The following ZNF654 variants were observed in gnomAD, a reference collection of about 807,000 sequenced individuals.
ZNF654 encodes the protein melanoma-associated antigen.
A neutral mutation model predicts 95.3 loss-of-function variants in ZNF654; 19 were observed. The ratio of observed to expected loss-of-function variants is 0.20; its 90% confidence interval spans 0.14 to 0.29. The LOEUF (loss-of-function observed/expected upper bound fraction) is 0.29, where lower values mean the gene tolerates loss of function less well. ZNF654 is among the 10% of genes least tolerant of loss of function. The pLI, the probability that ZNF654 is intolerant of heterozygous loss-of-function variation, is 1.00. For missense variants in ZNF654, 1,046 were observed against 1,341.0 expected (o/e 0.78, Z 3.44); for synonymous variants, 413 against 457.9 (o/e 0.90, Z 1.25).
intron 6 of ZNF654, among the ~76,000 whole-genome samples, chr3:88,131,763 C>T (rs148730394): frequency 0.019 from 2,842 of 152,104 alleles, 95 homozygotes; most frequent in African/African-American, 0.065. Context: ...TTTCTTCTAC[C>T]TCTTTTCTAT....
At chr3:88,137,390 G>A (rs1439536192) in intron 7 of ZNF654, among the ~76,000 whole-genome samples, 1 of 152,018 alleles carries the variant, frequency 6.6e-6, no homozygotes, top group Admixed American at 6.6e-5. Context: ...ATTTATAGGA[G>A]CAAACTAAGT....
chr3:88,125,643 C>T (rs1223836237), intron 3 of ZNF654, among the ~76,000 whole-genome samples: 7 of 152,226 alleles, frequency 4.6e-5, no homozygotes, highest in East Asian at 1.9e-4. Flanking sequence ...CCTTCTACCA[C>T]GATTTAGATT....
chr3:88,090,204 T>C (rs1201460539), intron 2 of ZNF654, among the ~76,000 whole-genome samples: 3 of 152,160 alleles, frequency 2.0e-5, no homozygotes, highest in Non-Finnish European at 4.4e-5. Flanking sequence ...TCTGAAGGCA[T>C]TCCAGAAAAA....
At chr3:88,085,126 G>A (rs1708273415) in intron 1 of ZNF654, among the ~76,000 whole-genome samples, 1 of 152,234 alleles carries the variant, frequency 6.6e-6, no homozygotes, top group Non-Finnish European at 1.5e-5. Context: ...TTGTCTCCCA[G>A]TAGGAAGTGA....
At chr3:88,101,502 C>T (rs1463541437) in intron 2 of ZNF654, among the ~76,000 whole-genome samples, 1 of 152,034 alleles carries the variant, frequency 6.6e-6, no homozygotes, top group African/African-American at 2.4e-5. Flanking sequence ...TTGAGGTTTA[C>T]CTATGTTAGC....
At chr3:88,100,420 C>T (rs1323197806) in intron 2 of ZNF654, among the ~76,000 whole-genome samples, 3 of 152,142 alleles carry the variant, frequency 2.0e-5, no homozygotes, top group Non-Finnish European at 4.4e-5. Flanking sequence ...TGTGGCAATT[C>T]CTCAGGGATG....
intron 3 of ZNF654, among the ~76,000 whole-genome samples, chr3:88,123,543 GC>G (rs897545645): frequency 6.6e-6 from 1 of 152,132 alleles, no homozygotes; most frequent in Non-Finnish European, 1.5e-5. Flanking sequence ...AATTATCAGG[GC>G]TTTCCCCTAG....
At chr3:88,126,330 C>T (rs1706094897) in intron 4 of ZNF654, 61 bp downstream of exon 4, 12 of 1,342,390 alleles carry the variant, frequency 8.9e-6, no homozygotes, top group Non-Finnish European at 1.2e-5. Flanking sequence ...CTTTCATTTA[C>T]TAACTAGAGC....
chr3:88,110,752 C>A (rs1235288984), intron 2 of ZNF654, among the ~76,000 whole-genome samples: 3 of 152,088 alleles, frequency 2.0e-5, no homozygotes, highest in Non-Finnish European at 2.9e-5. Context: ...ATAGGAAATA[C>A]AACAGGTTGG....
At chr3:88,103,295 G>A (rs953922265) in intron 2 of ZNF654, among the ~76,000 whole-genome samples, 1 of 152,122 alleles carries the variant, frequency 6.6e-6, no homozygotes, top group African/African-American at 2.4e-5. Flanking sequence ...GCACAGAAAC[G>A]TTAAGAAAGA....
chr3:88,106,222 G>A (rs945213556), intron 2 of ZNF654, among the ~76,000 whole-genome samples: 20 of 152,186 alleles, frequency 1.3e-4, no homozygotes, highest in Admixed American at 7.9e-4. Context: ...TGAGCTGTCT[G>A]ATGATATGTC....
intron 7 of ZNF654, among the ~76,000 whole-genome samples, chr3:88,137,235 A>G (rs941937577): frequency 1.4e-5 from 2 of 147,534 alleles, no homozygotes; most frequent in African/African-American, 4.9e-5. Context: ...AGATAGAAGT[A>G]TGGAGAAAGA....
intron 1 of ZNF654, among the ~76,000 whole-genome samples, chr3:88,063,114 T>C (rs1231823228): frequency 2.0e-5 from 3 of 152,180 alleles, no homozygotes; most frequent in Non-Finnish European, 4.4e-5. Context: ...CAGGAGATAG[T>C]TTTGATTGTC....
intron 1 of ZNF654, among the ~76,000 whole-genome samples, chr3:88,062,475 A>C (rs1706939245): frequency 6.6e-6 from 1 of 152,252 alleles, no homozygotes; most frequent in Non-Finnish European, 1.5e-5. Context: ...GTACTCTTTC[A>C]TTATGACACA....
intron 7 of ZNF654, among the ~76,000 whole-genome samples, chr3:88,136,148 A>C (rs1371517485): frequency 6.6e-6 from 1 of 152,190 alleles, no homozygotes; most frequent in African/African-American, 2.4e-5. Context: ...TTTGATGTGC[A>C]TCAGAATCAC....
At chr3:88,075,884 C>T (rs1360066714) in intron 1 of ZNF654, among the ~76,000 whole-genome samples, 7 of 152,122 alleles carry the variant, frequency 4.6e-5, no homozygotes, top group African/African-American at 2.4e-5. Context: ...TTTGCTCACT[C>T]TTGTATCTGA....
At chr3:88,138,402 CACCATA>C (rs1393964122) in intron 7 of ZNF654, among the ~76,000 whole-genome samples, 1 of 151,930 alleles carries the variant, frequency 6.6e-6, no homozygotes, top group East Asian at 1.9e-4. Flanking sequence ...AAATCTTAAT[CACCATA>C]AGTTTATGAA....
intron 8 of ZNF654, among the ~76,000 whole-genome samples, chr3:88,141,381 A>G (rs1188074079): frequency 2.6e-5 from 4 of 152,116 alleles, no homozygotes; most frequent in East Asian, 3.8e-4. Flanking sequence ...CAAGTTTCAT[A>G]TAATAAAAGT....
At position 88,142,850 on chromosome 3, in the gene ZNF654, A is replaced by G. The variant is rs1255714608; in HGVS notation, c.*1198A>G. 1 of 152,284 alleles carries G rather than the reference A, an allele frequency of 6.6e-6. No homozygotes were observed. The highest frequency in any genetic ancestry group is 1.5e-5 in the Non-Finnish European group (1 of 67,796). The allele number at this position is 152,284 out of a possible 1,614,324, so 9.4% of individuals were successfully genotyped here. A position where few individuals can be genotyped will look rare whatever the true frequency, so the allele number is the denominator to read the frequency against. On this transcript the variant is annotated 3_prime_UTR_variant, in exon 9 of 9. Coordinates refer to ENST00000636215, the MANE Select transcript of ZNF654 (RefSeq NM_001350134.2). ...CATTCAAGCATTGTTTTCCTTAGTGATGTTATTTTCCTAAGAAGATTTTAA... is the reference window on the plus strand; with the variant it reads ...CATTCAAGCATTGTTTTCCTTAGTGGTGTTATTTTCCTAAGAAGATTTTAA...
Sources: allele counts gnomAD v4.1 joint callset (sites outside exome capture counted in the v4.1 genomes callset), GRCh38; gene constraint gnomAD v4.1.1; transcripts MANE v1.5; gene names NCBI Gene and HGNC (gene_info 2026-07-23, HGNC 2026-07-21).